Variants in KLF12 observed in about 807,000 individuals in gnomAD.
KLF12 encodes the protein Krueppel-like factor 12.
Under a neutral mutation model 37.8 loss-of-function variants are expected in KLF12, and 9 were observed. The ratio of observed to expected loss-of-function variants is 0.24; its 90% CI spans 0.14 to 0.42. The LOEUF is 0.42. Among genes scored for constraint, KLF12 ranks in the 10% least tolerant of loss-of-function variants. The probability of loss-of-function intolerance (pLI) is 1.00; values close to 1 mark genes in which losing one functional copy is unlikely to be tolerated. For missense variants in KLF12, 411 were observed against 516.0 expected, an observed-to-expected ratio of 0.80 and a Z score of 1.97; for synonymous variants, 208 against 202.1, an observed-to-expected ratio of 1.03 and a Z score of -0.25.
At chr13:74,289,126 G>A in the KLF12 span, 1 of 152,120 alleles carries the variant, frequency 6.6e-6, no homozygotes, top group African/African-American at 2.4e-5. Flanking sequence ...GCAGTAGTGA[G>A]GAAGGGGGAA....
chr13:74,223,051 A>C, the KLF12 span, among the ~76,000 whole-genome samples: 1 of 152,252 alleles, frequency 6.6e-6, no homozygotes, highest in South Asian at 2.1e-4. Context: ...AGAAGAAAAT[A>C]AGCACATAAT....
At chr13:74,264,675 C>T in the KLF12 span, among the ~76,000 whole-genome samples, 1 of 152,130 alleles carries the variant, frequency 6.6e-6, no homozygotes, top group Non-Finnish European at 1.5e-5. Context: ...CCCTCTTTCC[C>T]CCATTTTCAT....
Position 73,752,722 on chromosome 13 carries a change from A to C in KLF12, c.869+12216T>G, listed in dbSNP as rs1365219871. Reference sequence around the variant, plus strand: ...CTCACTCATTCCCCTGCTCCCTTCCACATATATATTTTTTTTTTTTTGACA... The same window carrying C: ...CTCACTCATTCCCCTGCTCCCTTCCCCATATATATTTTTTTTTTTTTGACA... On this transcript the variant is annotated intron_variant, in intron 6 of 7. Transcript: ENST00000377669. Among the ~76,000 whole-genome samples the C allele has an allele frequency of 3.9e-4, 18 of 46,510 alleles. 1 individual carries two copies. The highest frequency in any genetic ancestry group is 1.2e-3 in the East Asian group (2 of 1,630). 30.5% of individuals were successfully genotyped at this position (46,510 alleles called of 152,430 possible).
At chr13:74,238,648 TTCTTC>T in the KLF12 span, among the ~76,000 whole-genome samples, 1 of 147,364 alleles carries the variant, frequency 6.8e-6, no homozygotes, top group African/African-American at 2.6e-5. Flanking sequence ...GAGATTCAAC[TTCTTC>T]CTGGTTTAGT....
chr13:74,232,364 G>A, the KLF12 span, among the ~76,000 whole-genome samples: 1 of 152,052 alleles, frequency 6.6e-6, no homozygotes, highest in Non-Finnish European at 1.5e-5. Context: ...ATCCTTTGCG[G>A]CTGACTCTCT....
At chr13:73,948,455 G>T (rs1028618015) in intron 2 of KLF12, among the ~76,000 whole-genome samples, 18 of 152,208 alleles carry the variant, frequency 1.2e-4, no homozygotes, top group African/African-American at 4.3e-4. Flanking sequence ...CCGGCCTCAA[G>T]TGATCCATCT....
At chr13:74,012,909 C>T (rs892172512) in intron 1 of KLF12, among the ~76,000 whole-genome samples, 1 of 152,190 alleles carries the variant, frequency 6.6e-6, no homozygotes, top group Non-Finnish European at 1.5e-5. Context: ...ACTATCCCTG[C>T]CTTACTTCGA....
rs12864251 is a variant in KLF12, at chr13:73,782,358, C to T, written c.807-17358G>A. The stretch of plus-strand genomic sequence containing the variant: ...TCCCTGGCTGTTCCATGTCTTGTGC[C>T]TAACTTTCTCCTAAAGTAAGAACAA... On this transcript the variant is annotated intron_variant, in intron 5 of 7. Coordinates refer to ENST00000377669, the MANE Select transcript of KLF12 (RefSeq NM_007249.5). Among the ~76,000 whole-genome samples, 549 of 152,230 alleles carry T rather than the reference C, an allele frequency of 3.6e-3. 6 individuals are homozygous for T. Among genetic ancestry groups the T allele is most frequent in the Middle Eastern group, 0.021 (6 of 292 alleles).
At chr13:73,744,641 G>C (rs1878240086) in intron 6 of KLF12, among the ~76,000 whole-genome samples, 1 of 152,060 alleles carries the variant, frequency 6.6e-6, no homozygotes. Flanking sequence ...AACTGCTATA[G>C]AGCCCCAGGG....
At chr13:73,909,352 C>T (rs1036309083) in intron 3 of KLF12, among the ~76,000 whole-genome samples, 2 of 152,106 alleles carry the variant, frequency 1.3e-5, no homozygotes, top group Non-Finnish European at 2.9e-5. Context: ...GTTTTGCCTC[C>T]GTATAACTTC....
chr13:74,270,132 C>G, the KLF12 span, among the ~76,000 whole-genome samples: 1 of 152,124 alleles, frequency 6.6e-6, no homozygotes, highest in African/African-American at 2.4e-5. Flanking sequence ...GGGGGAGCCT[C>G]TAAACCCTTG....
At chr13:74,166,370 G>A in the KLF12 span, among the ~76,000 whole-genome samples, 2 of 152,030 alleles carry the variant, frequency 1.3e-5, no homozygotes, top group African/African-American at 4.8e-5. Context: ...GGGATTATAG[G>A]CACGATCCAC....
intron 3 of KLF12, among the ~76,000 whole-genome samples, chr13:73,894,117 A>T (rs1342477623): frequency 6.6e-6 from 1 of 152,164 alleles, no homozygotes; most frequent in Non-Finnish European, 1.5e-5. Flanking sequence ...TTGTCTGTCA[A>T]TGCCTTCCAT....
intron 5 of KLF12, among the ~76,000 whole-genome samples, chr13:73,778,533 T>C (rs1880767660): frequency 6.6e-6 from 1 of 152,128 alleles, no homozygotes; most frequent in South Asian, 2.1e-4. Flanking sequence ...TTAGTTATTT[T>C]ATTTTTTGTA....
chr13:74,134,405 G>A (rs1433693257), upstream of KLF12, among the ~76,000 whole-genome samples: 3 of 152,092 alleles, frequency 2.0e-5, no homozygotes, highest in East Asian at 2.0e-4. Flanking sequence ...CTCTGAGTGT[G>A]ATGGTTGAAA....
At chr13:74,116,015 T>A (rs797015052) in intron 1 of KLF12, among the ~76,000 whole-genome samples, 21 of 152,326 alleles carry the variant, frequency 1.4e-4, no homozygotes, top group African/African-American at 4.8e-4. Flanking sequence ...CATTCCACAC[T>A]CTATCGCTGC....
At chr13:73,992,540 A>G (rs532648822) in intron 2 of KLF12, among the ~76,000 whole-genome samples, 13 of 152,322 alleles carry the variant, frequency 8.5e-5, no homozygotes, top group Middle Eastern at 3.4e-3. Flanking sequence ...TATGGACACA[A>G]CAGAAATTTT....
chr13:74,196,696 G>A, the KLF12 span, among the ~76,000 whole-genome samples: 1 of 152,056 alleles, frequency 6.6e-6, no homozygotes, highest in Non-Finnish European at 1.5e-5. Flanking sequence ...GGTACCTTTT[G>A]TAGTTTTCCT....
At chr13:73,965,546 G>A (rs1249671948) in intron 2 of KLF12, among the ~76,000 whole-genome samples, 5 of 152,230 alleles carry the variant, frequency 3.3e-5, no homozygotes, top group East Asian at 3.9e-4. Context: ...AAGATCTTGC[G>A]CTTGTATCTA....
Sources: allele counts gnomAD v4.1 joint callset (sites outside exome capture counted in the v4.1 genomes callset), GRCh38; gene constraint gnomAD v4.1.1; transcripts MANE v1.5; gene names NCBI Gene and HGNC (gene_info 2026-07-23, HGNC 2026-07-21).